CYTH3: variants seen among roughly 807,000 people sequenced by gnomAD.
The protein encoded by CYTH3 is cytohesin 3.
CYTH3 carries 23 observed loss-of-function variants against 55.1 expected under a neutral mutation model. The observed-to-expected ratio is 0.42, with a 90% CI of 0.30 to 0.59. The LOEUF (loss-of-function observed/expected upper bound fraction) is 0.59, where lower values mean the gene tolerates loss of function less well. CYTH3 is among the 20% of genes least tolerant of loss of function. CYTH3 has a pLI of 0.20. For synonymous variants in CYTH3, 249 were observed against 194.9 expected, an observed-to-expected ratio of 1.28 and a Z score of -2.31; for missense variants, 413 against 524.8, an observed-to-expected ratio of 0.79 and a Z score of 2.08.
intron 1 of CYTH3, among the ~76,000 whole-genome samples, chr7:6,191,195 C>T (rs1783796061): frequency 6.6e-6 from 1 of 152,128 alleles, no homozygotes; most frequent in African/African-American, 2.4e-5. Context: ...CGTCTCTAAT[C>T]CCAGCACTTT....
At chr7:6,251,658 C>G (rs935948240) in intron 1 of CYTH3, among the ~76,000 whole-genome samples, 1 of 152,194 alleles carries the variant, frequency 6.6e-6, no homozygotes, top group African/African-American at 2.4e-5. Flanking sequence ...CCTTAAGACA[C>G]TGAACAACAT....
chr7:6,218,919 C>T (rs755970568), intron 1 of CYTH3, among the ~76,000 whole-genome samples: 2 of 147,982 alleles, frequency 1.4e-5, no homozygotes, highest in Non-Finnish European at 3.0e-5. Flanking sequence ...GCAGGAGAAT[C>T]GCTTGAACCC....
chr7:6,186,789 G>T (rs538010611), intron 4 of CYTH3, among the ~76,000 whole-genome samples: 64 of 152,320 alleles, frequency 4.2e-4, no homozygotes, highest in African/African-American at 1.4e-3. Flanking sequence ...AGTCGTCCAA[G>T]CCGTGCCTGT....
At chr7:6,264,539 G>C (rs1780436500) in intron 1 of CYTH3, among the ~76,000 whole-genome samples, 1 of 152,150 alleles carries the variant, frequency 6.6e-6, no homozygotes, top group African/African-American at 2.4e-5. Context: ...TTGCACCCAG[G>C]AGATGGAGAT....
At chr7:6,231,456 T>G (rs944880142) in intron 1 of CYTH3, among the ~76,000 whole-genome samples, 6 of 152,118 alleles carry the variant, frequency 3.9e-5, no homozygotes, top group African/African-American at 1.2e-4. Context: ...TGCAGGGTGG[T>G]GAGGCCGGGG....
Position 6,164,963 on chromosome 7 carries a change from C to G in CYTH3, c.1181G>C (p.Arg394Thr). 6.2e-7 allele frequency: 1 copy of G among 1,614,220 alleles called. No homozygotes were observed. The highest frequency in any genetic ancestry group is 8.5e-7 in the Non-Finnish European group (1 of 1,180,038). ...GGAAAGCTATTTTTTATTGGCAATC[C>G]TTCGTTTCCTCGTTGCCAACATGTC... ...FYDMLATRKR[R>T]IANKK is the part of the protein sequence containing the mutation. Residue 394 changes from arginine (R) to threonine (T), a missense_variant, in exon 13 of 13, where the codon AGG becomes ACG. Physicochemically the swap from Arg to Thr is moderately conservative, Grantham distance 71. Coordinates refer to ENST00000350796, the MANE Select transcript of CYTH3 (RefSeq NM_004227.4).
At chr7:6,224,064 G>A (rs781680337) in intron 1 of CYTH3, among the ~76,000 whole-genome samples, 1 of 151,802 alleles carries the variant, frequency 6.6e-6, no homozygotes, top group Non-Finnish European at 1.5e-5. Context: ...GCAAAAACAC[G>A]TCTTCACACA....
At chr7:6,227,117 G>A (rs972643779) in intron 1 of CYTH3, among the ~76,000 whole-genome samples, 1 of 151,688 alleles carries the variant, frequency 6.6e-6, no homozygotes, top group African/African-American at 2.4e-5. Flanking sequence ...CTGGCACATG[G>A]TGTGCCCGCT....
intron 1 of CYTH3, among the ~76,000 whole-genome samples, chr7:6,207,081 T>C (rs1371119684): frequency 2.0e-5 from 3 of 148,532 alleles, no homozygotes; most frequent in Non-Finnish European, 4.5e-5. Context: ...AATTAAAATG[T>C]GCAACTTTTT....
chr7:6,212,412 A>T (rs1408934676), intron 1 of CYTH3, among the ~76,000 whole-genome samples: 1 of 152,294 alleles, frequency 6.6e-6, no homozygotes, highest in South Asian at 2.1e-4. Context: ...CCCATTAAAT[A>T]CTAACTCCCC....
intron 1 of CYTH3, among the ~76,000 whole-genome samples, chr7:6,259,803 ATATAT>A (rs1562417903): frequency 4.1e-5 from 1 of 24,272 alleles, no homozygotes. Flanking sequence ...ATATATATAT[ATATAT>A]ATATAATATA....
chr7:6,218,883 T>C (rs531804673), intron 1 of CYTH3, among the ~76,000 whole-genome samples: 1 of 151,858 alleles, frequency 6.6e-6, no homozygotes, highest in African/African-American at 2.4e-5. Flanking sequence ...CGCACACCTG[T>C]AGTCCCAGCT....
intron 1 of CYTH3, among the ~76,000 whole-genome samples, chr7:6,201,746 G>T (rs1159203807): frequency 6.6e-6 from 1 of 152,150 alleles, no homozygotes; most frequent in African/African-American, 2.4e-5. Flanking sequence ...AAGTTCTTAG[G>T]GTTCGAAGGC....
chr7:6,187,782 C>A (rs376463186), intron 2 of CYTH3, 61 bp from the exon 3 acceptor site: 1 of 1,423,552 alleles, frequency 7.0e-7, no homozygotes, highest in South Asian at 1.1e-5. Flanking sequence ...CCCTGAGACT[C>A]AGAAATTTTA....
At chr7:6,165,471 G>T in intron 11 of CYTH3, 44 bp from the exon 12 acceptor site, 1 of 1,609,144 alleles carries the variant, frequency 6.2e-7, no homozygotes, top group Non-Finnish European at 8.5e-7. Context: ...GGGGCTTGGG[G>T]CAGGTTCCCT....
intron 1 of CYTH3, among the ~76,000 whole-genome samples, chr7:6,248,243 C>A (rs1273398476): frequency 2.7e-5 from 4 of 146,266 alleles, no homozygotes; most frequent in African/African-American, 5.2e-5. Flanking sequence ...AACCCCCCCC[C>A]AGCCAAAAAA....
At chr7:6,218,106 G>T (rs1302192611) in intron 1 of CYTH3, among the ~76,000 whole-genome samples, 1 of 150,746 alleles carries the variant, frequency 6.6e-6, no homozygotes, top group African/African-American at 2.4e-5. Context: ...TTGAGCCGGG[G>T]AGGTGGGAGG....
chr7:6,270,412 T>C (rs576899619), intron 1 of CYTH3, among the ~76,000 whole-genome samples: 5 of 152,356 alleles, frequency 3.3e-5, no homozygotes, highest in Admixed American at 6.5e-5. Context: ...ATCTTCATTG[T>C]TGAATGTTCC....
chr7:6,224,933 G>A (rs1400980823), intron 1 of CYTH3, among the ~76,000 whole-genome samples: 1 of 152,162 alleles, frequency 6.6e-6, no homozygotes, highest in Non-Finnish European at 1.5e-5. Context: ...TGAAGTAAAG[G>A]AAGTCAGATG....
Sources: allele counts gnomAD v4.1 joint callset (sites outside exome capture counted in the v4.1 genomes callset), GRCh38; gene constraint gnomAD v4.1.1; transcripts MANE v1.5; gene names NCBI Gene and HGNC (gene_info 2026-07-23, HGNC 2026-07-21).